PMP22: variants seen among roughly 807,000 people sequenced by gnomAD.
The protein encoded by PMP22 is peripheral myelin protein 22.
A neutral mutation model predicts 18.9 loss-of-function variants in PMP22; 2 were observed. The ratio of observed to expected loss-of-function variants is 0.11; its 90% CI spans 0.04 to 0.33. PMP22 has a LOEUF of 0.33. Ranked by LOEUF, PMP22 falls within the 10% of genes least tolerant of loss-of-function variation. The pLI is 1.00. For synonymous variants in PMP22, 95 were observed against 89.2 expected (o/e 1.07, Z -0.37); for missense variants, 169 against 202.2 (o/e 0.84, Z 1.00).
At chr17:15,234,969 A>C (rs1906672118) in intron 4 of PMP22, among the ~76,000 whole-genome samples, 1 of 152,074 alleles carries the variant, frequency 6.6e-6, no homozygotes, top group Non-Finnish European at 1.5e-5. Context: ...GGCGTGCTCC[A>C]AGGCACCCCA....
chr17:15,260,187 G>C (rs1396102320), intron 2 of PMP22: 1 of 242,614 alleles, frequency 4.1e-6, no homozygotes, highest in African/African-American at 2.2e-5. Flanking sequence ...CCATAAAGCC[G>C]ACATGGGACC....
chr17:15,256,178 CT>C (rs1409641394), intron 3 of PMP22, among the ~76,000 whole-genome samples: 1 of 147,188 alleles, frequency 6.8e-6, no homozygotes, highest in Non-Finnish European at 1.5e-5. Context: ...AAGATGTAGC[CT>C]GGGGGCAAGA....
intron 4 of PMP22, among the ~76,000 whole-genome samples, chr17:15,234,739 T>C (rs1008336199): frequency 6.6e-6 from 1 of 152,116 alleles, no homozygotes; most frequent in African/African-American, 2.4e-5. Flanking sequence ...AATGTGGTAT[T>C]TGACTTAAGC....
chr17:15,236,351 T>G (rs1906815466), intron 4 of PMP22, among the ~76,000 whole-genome samples: 1 of 152,092 alleles, frequency 6.6e-6, no homozygotes, highest in Non-Finnish European at 1.5e-5. Flanking sequence ...TTTCATGTGC[T>G]TTTCCTGAAA....
Position 15,230,741 on chromosome 17 carries a change from A to G in PMP22, c.*176T>C, listed in dbSNP as rs752328330. On this transcript the variant is annotated 3_prime_UTR_variant, in exon 5 of 5. Transcript: ENST00000312280. ...AAAGTGTTATAAATAGGTTTTATAA[A>G]CCGGAGATATTATATACATCTTCAA... is the stretch of plus-strand genomic sequence containing the variant. 4 of 639,718 alleles carry G rather than the reference A, an allele frequency of 6.3e-6. No homozygotes were observed. The highest frequency in any genetic ancestry group is 5.4e-5 in the Admixed American group (2 of 37,082). 39.6% of individuals were successfully genotyped at this position (639,718 alleles called of 1,614,324 possible).
chr17:15,250,090 T>C (rs1406451350), intron 3 of PMP22, among the ~76,000 whole-genome samples: 2 of 152,102 alleles, frequency 1.3e-5, no homozygotes, highest in Non-Finnish European at 2.9e-5. Context: ...TAATTTTGTT[T>C]TGTATTTTTA....
At chr17:15,237,299 C>T (rs1906899411) in intron 4 of PMP22, among the ~76,000 whole-genome samples, 1 of 152,078 alleles carries the variant, frequency 6.6e-6, no homozygotes, top group Admixed American at 6.6e-5. Flanking sequence ...TGAGTTTTGG[C>T]CTAAAATGAT....
intron 4 of PMP22, among the ~76,000 whole-genome samples, chr17:15,233,167 T>A (rs1906499792): frequency 6.6e-6 from 1 of 152,198 alleles, no homozygotes; most frequent in Admixed American, 6.5e-5. Flanking sequence ...CAAATACCCC[T>A]AGTAAGTGGA....
At chr17:15,234,250 C>T (rs904093376) in intron 4 of PMP22, among the ~76,000 whole-genome samples, 4 of 152,042 alleles carry the variant, frequency 2.6e-5, no homozygotes, top group African/African-American at 4.8e-5. Context: ...GGGAACACAG[C>T]GATGTCTCAG....
At position 15,235,272 on chromosome 17, in the gene PMP22, C is replaced by T. The variant is rs569346422; in HGVS notation, c.320-4192G>A. 71 of 717,618 alleles carry T rather than the reference C, an allele frequency of 9.9e-5. No homozygotes were observed. The East Asian group carries it at 1.7e-3, about 17-fold the overall frequency. 44.5% of individuals were successfully genotyped at this position (717,618 alleles called of 1,614,324 possible). A position where few individuals can be genotyped will look rare whatever the true frequency, so the allele number is the denominator to read the frequency against. Reference sequence around the variant, plus strand: ...TTAATCCCGGTAACCACACATTTGACTTGAGTTTGATTCTGCCGAGGAAAC... The same window carrying T: ...TTAATCCCGGTAACCACACATTTGATTTGAGTTTGATTCTGCCGAGGAAAC... On this transcript the variant is annotated intron_variant, in intron 4 of 4. Transcript: ENST00000312280.
At chr17:15,248,121 G>T (rs142662374) in intron 3 of PMP22, among the ~76,000 whole-genome samples, 2 of 152,226 alleles carry the variant, frequency 1.3e-5, no homozygotes, top group African/African-American at 2.4e-5. Context: ...AAAGCCCAGC[G>T]TGGGTCTTGC....
At chr17:15,262,976 G>C (rs1030148416) in intron 1 of PMP22, among the ~76,000 whole-genome samples, 3 of 152,214 alleles carry the variant, frequency 2.0e-5, no homozygotes, top group African/African-American at 7.2e-5. Flanking sequence ...CACTAATAGA[G>C]GGCAGCGGGC....
chr17:15,262,526 G>A (rs1432670830), intron 1 of PMP22: 2 of 152,328 alleles, frequency 1.3e-5, no homozygotes, highest in Non-Finnish European at 2.9e-5. Context: ...TGCGCTGCGG[G>A]GCTGCGCGCG....
intron 3 of PMP22, among the ~76,000 whole-genome samples, chr17:15,250,651 T>G (rs1908256293): frequency 6.6e-6 from 1 of 152,188 alleles, no homozygotes; most frequent in Admixed American, 6.5e-5. Flanking sequence ...TCTAGAATCA[T>G]TCTTCCCTAA....
intron 4 of PMP22, among the ~76,000 whole-genome samples, chr17:15,236,929 T>A (rs1906867705): frequency 6.6e-6 from 1 of 152,186 alleles, no homozygotes; most frequent in Non-Finnish European, 1.5e-5. Flanking sequence ...CAGGACACTC[T>A]CAGGACTTAC....
In PMP22 at chr17:15,230,680, C is replaced by T. The variant is rs1906226229; in HGVS notation, c.*237G>A. On this transcript the variant is annotated 3_prime_UTR_variant, in exon 5 of 5. Coordinates refer to ENST00000312280, the MANE Select transcript of PMP22 (RefSeq NM_000304.4). ...GGCTCAACACGAGGCTGATGGTCAACATAAAAAGCAAACAATACTATGTAC... is the reference window on the plus strand; with the variant it reads ...GGCTCAACACGAGGCTGATGGTCAATATAAAAAGCAAACAATACTATGTAC... 2 of 545,630 alleles carry T rather than the reference C, an allele frequency of 3.7e-6. No individual in the cohort carries two copies. The highest frequency in any genetic ancestry group is 3.2e-5 in the East Asian group (1 of 31,210). The allele number at this position is 545,630 out of a possible 1,614,324, so 33.8% of individuals were successfully genotyped here.
intron 3 of PMP22, among the ~76,000 whole-genome samples, chr17:15,252,807 G>A (rs567985404): frequency 6.6e-6 from 1 of 152,338 alleles, no homozygotes; most frequent in Admixed American, 6.5e-5. Context: ...AAGACAAACT[G>A]CCTGGGTCCT....
Position 15,260,774 on chromosome 17 carries a change from C to T in PMP22, c.-34-13G>A, listed in dbSNP as rs1457937595. Reference sequence around the variant, plus strand: ...GCGGAGTTTCTGCCTGCGAGGAGAGCGCTGGGCGTGAGGCCGAACGCACTG... The same window carrying T: ...GCGGAGTTTCTGCCTGCGAGGAGAGTGCTGGGCGTGAGGCCGAACGCACTG... On this transcript the variant is annotated splice_polypyrimidine_tract_variant and intron_variant, in intron 1 of 4. Transcript: ENST00000312280. The T allele has an allele frequency of 1.3e-6, 2 of 1,501,850 alleles. No individual in the cohort carries two copies. Among genetic ancestry groups the T allele is most frequent in the African/African-American group, 2.8e-5 (2 of 72,030 alleles). 93.0% of individuals were successfully genotyped at this position (1,501,850 alleles called of 1,614,324 possible). A position where few individuals can be genotyped will look rare whatever the true frequency, so the allele number is the denominator to read the frequency against.
At chr17:15,239,049 T>C (rs7221491) in intron 4 of PMP22, among the ~76,000 whole-genome samples, 33,568 of 152,158 alleles carry the variant, frequency 0.22, 7,079 homozygotes, top group African/African-American at 0.55. Context: ...ACTACTTTGC[T>C]AGTTCTTAGC....
Sources: gnomAD v4.1 joint callset for allele counts (sites outside exome capture counted in the v4.1 genomes callset) on GRCh38, gnomAD v4.1.1 for gene constraint, MANE v1.5 for transcripts, NCBI Gene and HGNC (gene_info 2026-07-23, HGNC 2026-07-21) for gene names.